RAVER1: variants seen among roughly 807,000 people sequenced by gnomAD.
RAVER1 encodes ribonucleoprotein PTB-binding 1.
Under a neutral mutation model 68.4 loss-of-function variants are expected in RAVER1, and 36 were observed. The ratio of observed to expected loss-of-function variants is 0.53; its 90% CI spans 0.40 to 0.70. The LOEUF is 0.70. Among genes scored for constraint, RAVER1 ranks in the 30% least tolerant of loss-of-function variants. RAVER1 has a pLI of 0.00. For synonymous variants in RAVER1, 469 were observed against 472.7 expected (o/e 0.99, Z 0.10); for missense variants, 933 against 1,019.8 (o/e 0.91, Z 1.16).
At chr19:10,321,349 G>A in intron 7 of RAVER1, 90 bp from the exon 8 acceptor site, 1 of 811,588 alleles carries the variant, frequency 1.2e-6, no homozygotes, top group Non-Finnish European at 1.7e-6. Flanking sequence ...AGGGCCCAGG[G>A]GTCAAGAGAC....
chr19:10,322,589 T>G lies in RAVER1; in HGVS notation c.1173+56A>C. 4 of 1,264,438 alleles carry G rather than the reference T, an allele frequency of 3.2e-6. No homozygotes were observed. Among genetic ancestry groups the G allele is most frequent in the Non-Finnish European group, 4.3e-6 (4 of 925,194 alleles). The allele number at this position is 1,264,438 out of a possible 1,614,324, so 78.3% of individuals were successfully genotyped here. A position where few individuals can be genotyped will look rare whatever the true frequency, so the allele number is the denominator to read the frequency against. On this transcript the variant is annotated intron_variant, in intron 6 of 12. Transcript: ENST00000617231. This position sits in a 1 kb window ranked among gnomAD's most constrained non-coding sequence, Gnocchi z 4.3. ...CACCCCACCGATCGCACCAGCTGTG[T>G]TGAAAAGAGCCTGTAGGGGCTGTAG...
chr19:10,332,863 G>A (rs535748913), intron 1 of RAVER1, among the ~76,000 whole-genome samples: 25 of 152,146 alleles, frequency 1.6e-4, no homozygotes, highest in African/African-American at 5.3e-4. Context: ...GATATGGAGG[G>A]GCGTACTCTC....
rs1205795867 is a variant in RAVER1 at position 10,333,081 on chromosome 19, C to T, written c.219+208G>A. On this transcript the variant is annotated intron_variant, in intron 1 of 12. Transcript: ENST00000617231. This position sits in a 1 kb window ranked among gnomAD's most constrained non-coding sequence, Gnocchi z 4.2. ...CCAAGCCTGTGGTCGCCCCTAGCAA[C>T]GCCCTCCCTCACTTCGCAGTCGGTT... is the stretch of plus-strand genomic sequence containing the variant. 6.6e-6 allele frequency among the ~76,000 whole-genome samples: 1 copy of T among 152,034 alleles called. No individual in the cohort carries two copies. The highest frequency in any genetic ancestry group is 1.5e-5 in the Non-Finnish European group (1 of 68,000).
In RAVER1 at chr19:10,317,389, C is replaced by T; in HGVS notation, c.*65G>A. 1.9e-6 allele frequency: 3 copies of T among 1,548,660 alleles called. No homozygotes were observed. The South Asian group carries it at 3.4e-5, about 18-fold the overall frequency. The stretch of plus-strand genomic sequence containing the variant: ...AAAATGGTTTAAAAAAAACACAAAA[C>T]AAAACATCAGAAAACCCAAAAGCGA... On this transcript the variant is annotated 3_prime_UTR_variant, in exon 13 of 13. Coordinates refer to ENST00000617231, the MANE Select transcript of RAVER1 (RefSeq NM_133452.3). The surrounding 1 kb of genome is among the most constrained non-coding windows in gnomAD (Gnocchi z 4.3).
chr19:10,330,741 A>G (rs576459694), intron 1 of RAVER1, among the ~76,000 whole-genome samples: 3 of 152,316 alleles, frequency 2.0e-5, no homozygotes, highest in African/African-American at 7.2e-5. Context: ...AGACTGTGCT[A>G]TTACCCAGGC....
chr19:10,330,442 C>A lies in RAVER1; in HGVS notation c.286+18G>T. The A allele has an allele frequency of 7.4e-7, 1 of 1,358,862 alleles. No homozygotes were observed. Among genetic ancestry groups the A allele is most frequent in the Non-Finnish European group, 1.0e-6 (1 of 965,486 alleles). The allele number at this position is 1,358,862 out of a possible 1,614,324, so 84.2% of individuals were successfully genotyped here. Reference sequence around the variant, plus strand: ...GATGGTCACTCCCTGCCCTGGCCCGCCCCATGGCCCCACAAACCTGTCCCT... The same window carrying A: ...GATGGTCACTCCCTGCCCTGGCCCGACCCATGGCCCCACAAACCTGTCCCT... On this transcript the variant is annotated intron_variant, in intron 2 of 12. Coordinates refer to ENST00000617231, the MANE Select transcript of RAVER1 (RefSeq NM_133452.3).
chr19:10,319,291 C>G (rs1042570888), intron 9 of RAVER1, 51 bp from the exon 10 acceptor site: 4 of 1,562,356 alleles, frequency 2.6e-6, no homozygotes, highest in Admixed American at 3.4e-5. Flanking sequence ...CCCAGCCTCA[C>G]CCCTGGCTGA....
In RAVER1 at chr19:10,316,622, G is replaced by A; in HGVS notation, c.*832C>T. 2.1e-6 allele frequency: 2 copies of A among 969,928 alleles called. No individual in the cohort carries two copies. Among genetic ancestry groups the A allele is most frequent in the African/African-American group, 1.8e-5 (1 of 57,118 alleles). 60.1% of individuals were successfully genotyped at this position (969,928 alleles called of 1,614,324 possible). A position where few individuals can be genotyped will look rare whatever the true frequency, so the allele number is the denominator to read the frequency against. On this transcript the variant is annotated 3_prime_UTR_variant, in exon 13 of 13. Transcript: ENST00000617231. ...AGCCCATCTCTGCACGGAGGCCCGG[G>A]TAGGAGGGGGTGGTGGGGCCGGTTC...
chr19:10,321,819 G>A lies in RAVER1; in HGVS notation c.1174-201C>T, dbSNP rs557989097. On this transcript the variant is annotated intron_variant, in intron 6 of 12. Coordinates refer to ENST00000617231, the MANE Select transcript of RAVER1 (RefSeq NM_133452.3). ...GCCATGGTGACCGAGGGTCTCCTGA[G>A]CTCCAGGCCCCAGTTCCCTGGCCAA... The A allele has an allele frequency of 2.6e-4, 100 of 389,322 alleles. 1 individual carries two copies. In the South Asian group the frequency reaches 6.7e-3, roughly 26 times the overall value. 24.1% of individuals were successfully genotyped at this position (389,322 alleles called of 1,614,324 possible). A position where few individuals can be genotyped will look rare whatever the true frequency, so the allele number is the denominator to read the frequency against.
rs1273511425 is a variant in RAVER1 at position 10,328,303 on chromosome 19, C to T, written c.756+339G>A. ...CCCTGGCCAGGTGTGGTGGCTCACG[C>T]ATGTAATCCCAGCACTTTGGGAGGA... On this transcript the variant is annotated intron_variant, in intron 3 of 12. Transcript: ENST00000617231. The surrounding 1 kb of genome is among the most constrained non-coding windows in gnomAD (Gnocchi z 4.4). Among the ~76,000 whole-genome samples, 1 of 152,192 alleles carries T rather than the reference C, an allele frequency of 6.6e-6. No homozygotes were observed. Among genetic ancestry groups the T allele is most frequent in the Non-Finnish European group, 1.5e-5 (1 of 68,036 alleles).
intron 3 of RAVER1, among the ~76,000 whole-genome samples, chr19:10,327,959 T>C (rs1422543299): frequency 6.6e-6 from 1 of 152,138 alleles, no homozygotes. Context: ...TGCCAACCCA[T>C]TGTGCAAGTA....
At chr19:10,327,826 G>C (rs2040485620) in intron 3 of RAVER1, among the ~76,000 whole-genome samples, 1 of 152,218 alleles carries the variant, frequency 6.6e-6, no homozygotes, top group Admixed American at 6.5e-5. Context: ...TGGGGATCAA[G>C]ACCTTCTGGG....
chr19:10,317,900 T>C lies in RAVER1; in HGVS notation c.1990-127A>G, dbSNP rs1482296991. On this transcript the variant is annotated intron_variant, in intron 11 of 12. Coordinates refer to ENST00000617231, the MANE Select transcript of RAVER1 (RefSeq NM_133452.3). The surrounding 1 kb of genome is among the most constrained non-coding windows in gnomAD (Gnocchi z 4.3). ...CAGTTTCAGGTTCAAATCTTGCTTCTGCTACTTTCTAGCTATAAGACCTAG... is the reference window on the plus strand; with the variant it reads ...CAGTTTCAGGTTCAAATCTTGCTTCCGCTACTTTCTAGCTATAAGACCTAG... The C allele has an allele frequency of 1.6e-6, 1 of 638,872 alleles. No homozygotes were observed. The highest frequency in any genetic ancestry group is 2.8e-6 in the Non-Finnish European group (1 of 360,540). The allele number at this position is 638,872 out of a possible 1,614,324, so 39.6% of individuals were successfully genotyped here.
intron 1 of RAVER1, among the ~76,000 whole-genome samples, chr19:10,331,352 G>A (rs1174650826): frequency 6.0e-4 from 38 of 63,070 alleles, no homozygotes; most frequent in Admixed American, 3.0e-3. Context: ...GCGAGACTCC[G>A]TCTCAAAAAA....
Position 10,333,448 on chromosome 19 carries a change from T to A in RAVER1, c.60A>T (p.Glu20Asp). The change falls in exon 1 of 13, where the codon GAA becomes GAT. Residue 20 changes from glutamate (E) to aspartate (D), a missense_variant. Coordinates refer to ENST00000617231, the MANE Select transcript of RAVER1 (RefSeq NM_133452.3). The surrounding 1 kb of genome is among the most constrained non-coding windows in gnomAD (Gnocchi z 4.2). ...GCTCCGCGGCATCGCCGGCTTCGACTTCGGCCCCAGACTTAGGGCTCAGCG... is the reference window on the plus strand; with the variant it reads ...GCTCCGCGGCATCGCCGGCTTCGACATCGGCCCCAGACTTAGGGCTCAGCG... ...RPPLSPKSGA[E>D]VEAGDAAERR... 6.2e-7 allele frequency: 1 copy of A among 1,612,736 alleles called. No homozygotes were observed. Among genetic ancestry groups the A allele is most frequent in the East Asian group, 2.2e-5 (1 of 44,882 alleles).
chr19:10,323,980 C>G lies in RAVER1; in HGVS notation c.757-414G>C, dbSNP rs896447370. ...CCTGACCAACATGGAGAAACCCCGT[C>G]TCTACTAAAAATACAAAATTAGCCA... On this transcript the variant is annotated intron_variant, in intron 3 of 12. Transcript: ENST00000617231. This position sits in a 1 kb window ranked among gnomAD's most constrained non-coding sequence, Gnocchi z 6.2. 6.8e-6 allele frequency among the ~76,000 whole-genome samples: 1 copy of G among 147,296 alleles called. No individual in the cohort carries two copies. Among genetic ancestry groups the G allele is most frequent in the African/African-American group, 2.7e-5 (1 of 36,838 alleles).
rs562670067 is a variant in RAVER1, at chr19:10,323,295, A to G, written c.949-21T>C. 3.5e-5 allele frequency: 56 copies of G among 1,612,990 alleles called. No homozygotes were observed. The African/African-American group carries it at 6.4e-4, about 18-fold the overall frequency. ...AGGGCCTGCAGGAAGGAACAGAAGC[A>G]GCTCAGAGTGCCGCTGGGGCCCTGA... On this transcript the variant is annotated intron_variant, in intron 4 of 12. Transcript: ENST00000617231. This position sits in a 1 kb window ranked among gnomAD's most constrained non-coding sequence, Gnocchi z 6.2.
At chr19:10,320,622 T>C in intron 9 of RAVER1, 33 bp downstream of exon 9, 1 of 1,523,896 alleles carries the variant, frequency 6.6e-7, no homozygotes, top group Non-Finnish European at 8.8e-7. Context: ...TGATTTGGCC[T>C]TAGGGGACAG....
chr19:10,331,409 AAAAG>A (rs1281074587), intron 1 of RAVER1, among the ~76,000 whole-genome samples: 1 of 146,302 alleles, frequency 6.8e-6, no homozygotes, highest in Non-Finnish European at 1.5e-5. Context: ...AAAAAAAAAA[AAAAG>A]AGGCCGGGCT....
Sources: allele counts gnomAD v4.1 joint callset (sites outside exome capture counted in the v4.1 genomes callset), GRCh38; gene constraint gnomAD v4.1.1; non-coding constraint Gnocchi (gnomAD v3.1); transcripts MANE v1.5; gene names NCBI Gene and HGNC (gene_info 2026-07-23, HGNC 2026-07-21).